Variants in TMEM92 observed in about 807,000 individuals in gnomAD.
The protein encoded by TMEM92 is transmembrane protein 92.
A neutral mutation model predicts 14.6 loss-of-function variants in TMEM92; 15 were observed. The ratio of observed to expected loss-of-function variants is 1.03; its 90% CI spans 0.69 to 1.58. The LOEUF (loss-of-function observed/expected upper bound fraction) is 1.58, where lower values mean the gene tolerates loss of function less well. TMEM92 is among the 40% of genes most tolerant of loss of function. TMEM92 has a pLI of 0.00. For synonymous variants in TMEM92, 85 were observed against 83.3 expected, an observed-to-expected ratio of 1.02 and a Z score of -0.11; for missense variants, 174 against 202.4, an observed-to-expected ratio of 0.86 and a Z score of 0.85.
At chr17:50,274,838 T>C (rs1342521439) in intron 1 of TMEM92, 1 of 517,812 alleles carries the variant, frequency 1.9e-6, no homozygotes. Flanking sequence ...CTAGCACGTC[T>C]CTGTGAATAG....
intron 1 of TMEM92, among the ~76,000 whole-genome samples, chr17:50,277,272 A>G (rs6504641): frequency 0.65 from 99,466 of 151,916 alleles, 32,754 homozygotes; most frequent in East Asian, 0.76. Flanking sequence ...CTCACTCGGG[A>G]GGTCTCTACC....
upstream of TMEM92, among the ~76,000 whole-genome samples, chr17:50,272,718 G>GGA (rs1331585885): frequency 6.6e-6 from 1 of 152,128 alleles, no homozygotes; most frequent in African/African-American, 2.4e-5. Flanking sequence ...ACAGGGAAAG[G>GGA]GAGAGAGAGA....
upstream of TMEM92, chr17:50,274,358 C>T: frequency 1.3e-6 from 1 of 777,944 alleles, no homozygotes; most frequent in Non-Finnish European, 2.1e-6. Context: ...CCTTCCTCCT[C>T]CCAGCCCCTC....
upstream of TMEM92, among the ~76,000 whole-genome samples, chr17:50,273,444 G>T: frequency 6.6e-6 from 1 of 152,214 alleles, no homozygotes; most frequent in East Asian, 1.9e-4. Flanking sequence ...CAGGAATCTG[G>T]ATGGGCCTGC....
In TMEM92 at chr17:50,276,181, T is replaced by C. The variant is rs549796877; in HGVS notation, c.70-1534T>C. Among the ~76,000 whole-genome samples, 51 of 152,132 alleles carry C rather than the reference T, an allele frequency of 3.4e-4. 1 individual carries two copies. Among genetic ancestry groups the C allele is most frequent in the Non-Finnish European group, 4.3e-4 (29 of 68,010 alleles). ...AAAAAGAATAGAGACAGGGTCTCGC[T>C]ATGTTGGCCAGGTTGGTCTTAAACT... On this transcript the variant is annotated intron_variant, in intron 1 of 4. Transcript: ENST00000507382.
chr17:50,277,604 C>G lies in TMEM92; in HGVS notation c.70-111C>G. On this transcript the variant is annotated intron_variant, in intron 1 of 4. Transcript: ENST00000507382. ...GGTGGCTTGCAGGAAGAGGCTGAGT[C>G]TACTGGGGACCTGCTGCCTGTGAGG... is the stretch of plus-strand genomic sequence containing the variant. The G allele has an allele frequency of 2.3e-6, 3 of 1,289,876 alleles. No homozygotes were observed. The South Asian group carries it at 3.7e-5, about 16-fold the overall frequency. The allele number at this position is 1,289,876 out of a possible 1,614,324, so 79.9% of individuals were successfully genotyped here. A position where few individuals can be genotyped will look rare whatever the true frequency, so the allele number is the denominator to read the frequency against.
intron 1 of TMEM92, among the ~76,000 whole-genome samples, chr17:50,275,905 C>T (rs1056168523): frequency 2.0e-5 from 3 of 151,894 alleles, no homozygotes; most frequent in Admixed American, 6.6e-5. Flanking sequence ...TTTGAGAGGC[C>T]GAGGCAGGCA....
At chr17:50,277,815 G>T (rs981041281) in intron 2 of TMEM92, 75 bp downstream of exon 2, 22 of 1,590,650 alleles carry the variant, frequency 1.4e-5, no homozygotes, top group African/African-American at 5.4e-5. Context: ...CATGCCTTGG[G>T]GGGTGTGGGA....
chr17:50,271,540 G>A (rs936719230), upstream of TMEM92: 6 of 152,174 alleles, frequency 3.9e-5, no homozygotes, highest in African/African-American at 1.4e-4. Context: ...TGTTTGCAGA[G>A]ACAGGGTCTT....
At chr17:50,276,592 C>T (rs1302571518) in intron 1 of TMEM92, among the ~76,000 whole-genome samples, 1 of 152,142 alleles carries the variant, frequency 6.6e-6, no homozygotes, top group African/African-American at 2.4e-5. Flanking sequence ...TTGTTTGTCC[C>T]AGGAGGCTAG....
In TMEM92 at chr17:50,274,496, G is replaced by A; in HGVS notation, c.-6G>A. The A allele has an allele frequency of 6.2e-7, 1 of 1,613,884 alleles. No individual in the cohort carries two copies. Among genetic ancestry groups the A allele is most frequent in the Non-Finnish European group, 8.5e-7 (1 of 1,179,870 alleles). On this transcript the variant is annotated 5_prime_UTR_variant, in exon 1 of 5. Transcript: ENST00000507382. Reference sequence around the variant, plus strand: ...CACAGGAAAGCTCAGTGGCCCCCAAGCCAGGATGTCCCAAGCTTGGGTCCC... The same window carrying A: ...CACAGGAAAGCTCAGTGGCCCCCAAACCAGGATGTCCCAAGCTTGGGTCCC...
Position 50,277,707 on chromosome 17 carries a change from T to G in TMEM92, c.70-8T>G. The G allele has an allele frequency of 1.2e-6, 2 of 1,613,982 alleles. No individual in the cohort carries two copies. Among genetic ancestry groups the G allele is most frequent in the Non-Finnish European group, 1.7e-6 (2 of 1,179,932 alleles). On this transcript the variant is annotated splice_region_variant and splice_polypyrimidine_tract_variant and intron_variant, in intron 1 of 4. Coordinates refer to ENST00000507382, the MANE Select transcript of TMEM92 (RefSeq NM_153229.3). ...ACCCTGACCCCCGACCTCTCTTTTC[T>G]TCCACAGATTGCAGCCAAATGTGGT...
upstream of TMEM92, chr17:50,274,392 G>A: frequency 1.8e-6 from 2 of 1,109,564 alleles, no homozygotes; most frequent in East Asian, 5.1e-5. Context: ...CGCCTCTCCC[G>A]GTGCAGCTCC....
chr17:50,272,776 C>T (rs79730068), upstream of TMEM92, among the ~76,000 whole-genome samples: 1,855 of 151,646 alleles, frequency 0.012, 45 homozygotes, highest in African/African-American at 0.043. Flanking sequence ...GGGTGCAGGA[C>T]CAAACCAGGG....
chr17:50,274,532 C>T lies in TMEM92; in HGVS notation c.31C>T (p.Pro11Ser). MSQAWVPGLA[P>S]TLLFSLLAGP... ...CCAAGCTTGGGTCCCCGGCCTCGCG[C>T]CCACCTTGCTGTTCAGCCTGCTGGC... Residue 11 changes from proline (P) to serine (S), a missense_variant, in exon 1 of 5, where the codon CCC becomes TCC. Coordinates refer to ENST00000507382, the MANE Select transcript of TMEM92 (RefSeq NM_153229.3). The T allele has an allele frequency of 9.9e-6, 16 of 1,614,056 alleles. No homozygotes were observed. The highest frequency in any genetic ancestry group is 1.2e-5 in the Non-Finnish European group (14 of 1,179,978).
At chr17:50,273,076 G>C (rs563791407), upstream of TMEM92, among the ~76,000 whole-genome samples, 25 of 152,272 alleles carry the variant, frequency 1.6e-4, no homozygotes, top group African/African-American at 5.8e-4. Flanking sequence ...CACGACGTCG[G>C]GGGTGTTTTT....
chr17:50,278,337 G>A (rs1362363213), intron 2 of TMEM92, among the ~76,000 whole-genome samples: 1 of 152,110 alleles, frequency 6.6e-6, no homozygotes, highest in African/African-American at 2.4e-5. Flanking sequence ...CAGATGAGGG[G>A]CGTGGGGCCC....
At chr17:50,277,578 G>T (rs1259717889) in intron 1 of TMEM92, 137 bp from the exon 2 acceptor site, 1 of 958,154 alleles carries the variant, frequency 1.0e-6, no homozygotes, top group Non-Finnish European at 1.6e-6. Context: ...GTGAGGTGGG[G>T]GGTGGCTTGC....
chr17:50,275,208 G>A (rs959492237), intron 1 of TMEM92, among the ~76,000 whole-genome samples: 3 of 152,058 alleles, frequency 2.0e-5, no homozygotes, highest in South Asian at 4.2e-4. Flanking sequence ...AAAGCTGTCC[G>A]GTCCTGGGAT....
Sources: allele counts gnomAD v4.1 joint callset (sites outside exome capture counted in the v4.1 genomes callset), GRCh38; gene constraint gnomAD v4.1.1; transcripts MANE v1.5; gene names NCBI Gene and HGNC (gene_info 2026-07-23, HGNC 2026-07-21).